Variants in PTPRA observed in about 807,000 individuals in gnomAD.
PTPRA encodes the protein protein tyrosine phosphatase receptor type A.
Under a neutral mutation model 104.8 loss-of-function variants are expected in PTPRA, and 25 were observed. The ratio of observed to expected loss-of-function variants is 0.24; its 90% CI spans 0.17 to 0.33. The LOEUF (loss-of-function observed/expected upper bound fraction) is 0.33, where lower values mean the gene tolerates loss of function less well. Among genes scored for constraint, PTPRA ranks in the 10% least tolerant of loss-of-function variants. The probability of loss-of-function intolerance (pLI) is 1.00; values close to 1 mark genes in which losing one functional copy is unlikely to be tolerated. For missense variants in PTPRA, 765 were observed against 1,015.3 expected, an observed-to-expected ratio of 0.75 and a Z score of 3.35; for synonymous variants, 323 against 368.9, an observed-to-expected ratio of 0.88 and a Z score of 1.43.
At chr20:2,866,408 T>G in the PTPRA span, 1 of 1,614,098 alleles carries the variant, frequency 6.2e-7, no homozygotes, top group South Asian at 1.1e-5. Flanking sequence ...CAACACCACC[T>G]CCTCTCTTGC....
chr20:2,986,868 C>A lies in PTPRA; in HGVS notation c.527+19C>A. ...TGTTAAGGTGAGCCTACTAACACTT[C>A]ACATTCTCTTAGATTCTGTTTCAAT... On this transcript the variant is annotated intron_variant, in intron 7 of 23. Coordinates refer to ENST00000399903, the MANE Select transcript of PTPRA (RefSeq NM_001385305.1). 1.3e-6 allele frequency: 2 copies of A among 1,570,786 alleles called. No individual in the cohort carries two copies. Among genetic ancestry groups the A allele is most frequent in the Non-Finnish European group, 1.8e-6 (2 of 1,140,656 alleles).
intron 1 of PTPRA, among the ~76,000 whole-genome samples, chr20:2,915,967 A>G (rs1168983682): frequency 1.3e-5 from 2 of 152,138 alleles, no homozygotes; most frequent in African/African-American, 2.4e-5. Context: ...GAGCGAAACT[A>G]TGTTTCCAAA....
At chr20:2,902,786 C>T (rs1300395571) in intron 1 of PTPRA, among the ~76,000 whole-genome samples, 1 of 151,924 alleles carries the variant, frequency 6.6e-6, no homozygotes, top group African/African-American at 2.4e-5. Context: ...TGTTTTTAAG[C>T]GTTCAAAATG....
At chr20:3,016,629 A>G (rs531405767) in intron 12 of PTPRA, among the ~76,000 whole-genome samples, 13 of 152,316 alleles carry the variant, frequency 8.5e-5, no homozygotes, top group East Asian at 7.7e-4. Flanking sequence ...GATCCCAGCT[A>G]CTTGGGAGGC....
chr20:3,003,450 A>G (rs1252433325), intron 9 of PTPRA, among the ~76,000 whole-genome samples: 3 of 152,222 alleles, frequency 2.0e-5, no homozygotes, highest in African/African-American at 4.8e-5. Flanking sequence ...GCCAAAAAGT[A>G]TTTTTGAAAA....
the PTPRA span, chr20:2,864,496 T>TA: frequency 6.2e-7 from 1 of 1,614,124 alleles, no homozygotes; most frequent in Non-Finnish European, 8.5e-7. This position sits in a 1 kb window ranked among gnomAD's most constrained non-coding sequence, Gnocchi z 5.2. Context: ...GGTGTAGCCT[T>TA]CTGAGCACTT....
intron 1 of PTPRA, among the ~76,000 whole-genome samples, chr20:2,910,700 G>A (rs550889189): frequency 6.9e-4 from 98 of 142,332 alleles, no homozygotes; most frequent in African/African-American, 2.1e-3. Flanking sequence ...TCCGCCTCCC[G>A]GGTTCACACC....
chr20:2,946,357 T>G (rs73086646), intron 2 of PTPRA, among the ~76,000 whole-genome samples: 21 of 151,962 alleles, frequency 1.4e-4, no homozygotes, highest in African/African-American at 4.8e-4. Context: ...CAGGTGTAGC[T>G]CTGTAGTTTT....
At chr20:2,866,702 G>C in the PTPRA span, 3 of 1,396,616 alleles carry the variant, frequency 2.1e-6, no homozygotes, top group Non-Finnish European at 2.9e-6. Context: ...TAGCAGGGCT[G>C]TCTGGTTTTA....
At chr20:2,903,390 A>G (rs919105891) in intron 1 of PTPRA, among the ~76,000 whole-genome samples, 82 of 152,312 alleles carry the variant, frequency 5.4e-4, no homozygotes, top group African/African-American at 1.9e-3. Context: ...TTTATATATA[A>G]GAAATAGAAT....
intron 5 of PTPRA, among the ~76,000 whole-genome samples, chr20:2,971,474 A>T (rs183463216): frequency 1.3e-5 from 2 of 152,214 alleles, no homozygotes; most frequent in Non-Finnish European, 2.9e-5. Context: ...AATTTTCTTC[A>T]TTAATTTTTA....
At position 3,018,226 on chromosome 20, in the gene PTPRA, GTTTTGTT is replaced by G. The variant is rs549597583; in HGVS notation, c.1041+316_1041+322del. Among the ~76,000 whole-genome samples, 96 of 152,266 alleles carry G rather than the reference GTTTTGTT, an allele frequency of 6.3e-4. 4 individuals carry two copies. In the East Asian group the frequency reaches 0.018, roughly 29 times the overall value. On this transcript the variant is annotated intron_variant, in intron 13 of 23. Transcript: ENST00000399903. ...GTTTTTTTTGTTGTTGTTTTGTTTT[GTTTTGTT>G]TTGTTTTTTTATTGATCATTCTTGG...
At chr20:2,922,129 G>T (rs74755492) in intron 1 of PTPRA, among the ~76,000 whole-genome samples, 168 of 152,212 alleles carry the variant, frequency 1.1e-3, no homozygotes, top group African/African-American at 3.9e-3. Flanking sequence ...CAACCCTATG[G>T]TGGCATAGTC....
chr20:2,864,806 T>C, the PTPRA span: 1 of 1,170,416 alleles, frequency 8.5e-7, no homozygotes, highest in Non-Finnish European at 1.2e-6. This position sits in a 1 kb window ranked among gnomAD's most constrained non-coding sequence, Gnocchi z 5.2. Flanking sequence ...AGGATGGGGG[T>C]TAGTGTCAGA....
rs1180681994 is a variant in PTPRA, at chr20:3,030,676, C to CTTTTTTTTT, written c.1920+2854_1920+2862dup. Among the ~76,000 whole-genome samples, 9 of 67,732 alleles carry CTTTTTTTTT rather than the reference C, an allele frequency of 1.3e-4. 2 individuals carry two copies. The highest frequency in any genetic ancestry group is 1.2e-3 in the Admixed American group (6 of 4,986). The allele number at this position is 67,732 out of a possible 152,430, so 44.4% of individuals were successfully genotyped here. ...AAAAATTTTTAATTATCTCCCTCTG[C>CTTTTTTTTT]TTTTTTTTTTTTTTTTTTTTTTTTT... On this transcript the variant is annotated intron_variant, in intron 20 of 23. Coordinates refer to ENST00000399903, the MANE Select transcript of PTPRA (RefSeq NM_001385305.1).
chr20:2,990,553 T>TACAACA (rs768046525), intron 9 of PTPRA, among the ~76,000 whole-genome samples: 2 of 151,924 alleles, frequency 1.3e-5, no homozygotes, highest in Non-Finnish European at 2.9e-5. Context: ...ACCCCATCTC[T>TACAACA]ACAACAACAA....
At chr20:2,969,672 GTGTAAATAAATA>G (rs2062093104) in intron 5 of PTPRA, among the ~76,000 whole-genome samples, 1 of 374 alleles carries the variant, frequency 2.7e-3, no homozygotes, top group Non-Finnish European at 5.2e-3. Flanking sequence ...GGCTAACATG[GTGTAAATAAATA>G]GGCCGGGCGC....
Position 2,916,947 on chromosome 20 carries a change from GTTTT to G in PTPRA, c.-128-6256_-128-6253del, listed in dbSNP as rs1048550085. Among the ~76,000 whole-genome samples, 10 of 138,750 alleles carry G rather than the reference GTTTT, an allele frequency of 7.2e-5. No homozygotes were observed. The East Asian group carries it at 2.2e-3, about 31-fold the overall frequency. 91.0% of individuals were successfully genotyped at this position (138,750 alleles called of 152,430 possible). A position where few individuals can be genotyped will look rare whatever the true frequency, so the allele number is the denominator to read the frequency against. ...CAATTCCATATAAATTTTAGGATCAGTTTTTTTATTTCTTTTTTTTTTTTTTTTG... is the reference window on the plus strand; with the variant it reads ...CAATTCCATATAAATTTTAGGATCAGTTTATTTCTTTTTTTTTTTTTTTTG... On this transcript the variant is annotated intron_variant, in intron 1 of 23. Coordinates refer to ENST00000399903, the MANE Select transcript of PTPRA (RefSeq NM_001385305.1).
At chr20:2,995,926 A>T (rs1391598938) in intron 9 of PTPRA, among the ~76,000 whole-genome samples, 1 of 152,214 alleles carries the variant, frequency 6.6e-6, no homozygotes, top group Non-Finnish European at 1.5e-5. Context: ...CATCACAGGT[A>T]ATTGCAAGCA....
Sources: gnomAD v4.1 joint callset for allele counts (sites outside exome capture counted in the v4.1 genomes callset) on GRCh38, gnomAD v4.1.1 for gene constraint, Gnocchi (gnomAD v3.1) non-coding constraint, MANE v1.5 for transcripts, NCBI Gene and HGNC (gene_info 2026-07-23, HGNC 2026-07-21) for gene names.